SQOR: variants seen among roughly 807,000 people sequenced by gnomAD.
The protein encoded by SQOR is sulfide quinone oxidoreductase.
SQOR carries 39 observed loss-of-function variants against 48.6 expected under a neutral mutation model. The observed-to-expected ratio is 0.80, with a 90% confidence interval of 0.62 to 1.05. The LOEUF (loss-of-function observed/expected upper bound fraction) is 1.05, where lower values mean the gene tolerates loss of function less well. Among genes scored for constraint, SQOR ranks in the 50% least tolerant of loss-of-function variants. The pLI, the probability that SQOR is intolerant of heterozygous loss-of-function variation, is 0.00. For synonymous variants in SQOR, 220 were observed against 206.2 expected, an observed-to-expected ratio of 1.07 and a Z score of -0.57; for missense variants, 561 against 559.9, an observed-to-expected ratio of 1.00 and a Z score of -0.02.
chr15:45,666,547 C>T (rs1889820378), intron 3 of SQOR, among the ~76,000 whole-genome samples: 1 of 152,092 alleles, frequency 6.6e-6, no homozygotes, highest in South Asian at 2.1e-4. Context: ...ATATGAAGCA[C>T]TTAGAACAGC....
chr15:45,663,798 A>T (rs1889763580), intron 3 of SQOR, among the ~76,000 whole-genome samples: 1 of 152,136 alleles, frequency 6.6e-6, no homozygotes, highest in Non-Finnish European at 1.5e-5. Context: ...AAAAGAAAAA[A>T]AGAGTACCTG....
At chr15:45,668,653 G>A (rs562405820) in intron 3 of SQOR, among the ~76,000 whole-genome samples, 1 of 152,324 alleles carries the variant, frequency 6.6e-6, no homozygotes, top group South Asian at 2.1e-4. Flanking sequence ...CTCAGCCAGA[G>A]CCAAGCACTC....
At chr15:45,644,471 G>C (rs1895166765) in intron 1 of SQOR, among the ~76,000 whole-genome samples, 1 of 152,182 alleles carries the variant, frequency 6.6e-6, no homozygotes, top group East Asian at 1.9e-4. Context: ...GCTTCCATCT[G>C]ACTGAATAGT....
chr15:45,657,982 G>A (rs1889643762), intron 1 of SQOR, among the ~76,000 whole-genome samples: 1 of 152,088 alleles, frequency 6.6e-6, no homozygotes, highest in Non-Finnish European at 1.5e-5. Flanking sequence ...TGGATGTCAG[G>A]CCAGCTTTGT....
intron 6 of SQOR, among the ~76,000 whole-genome samples, chr15:45,677,241 GTCTA>G (rs907995561): frequency 1.1e-4 from 17 of 149,912 alleles, no homozygotes; most frequent in South Asian, 6.3e-4. Context: ...ATCTGCCTTT[GTCTA>G]TCTATCTATC....
At chr15:45,690,621 G>T (rs1054473078) in intron 9 of SQOR, among the ~76,000 whole-genome samples, 1 of 152,144 alleles carries the variant, frequency 6.6e-6, no homozygotes, top group Non-Finnish European at 1.5e-5. Flanking sequence ...CAACAGCAAA[G>T]AATTATCTGG....
At chr15:45,636,211 A>T (rs1034078713) in intron 1 of SQOR, among the ~76,000 whole-genome samples, 1 of 152,168 alleles carries the variant, frequency 6.6e-6, no homozygotes, top group Non-Finnish European at 1.5e-5. Context: ...TCAAAACATT[A>T]AAAGAATTTA....
intron 1 of SQOR, among the ~76,000 whole-genome samples, chr15:45,644,206 G>T (rs1895158970): frequency 6.6e-6 from 1 of 152,028 alleles, no homozygotes; most frequent in African/African-American, 2.4e-5. Flanking sequence ...TCCTGCCTCA[G>T]CCTCCTGAGT....
intron 1 of SQOR, among the ~76,000 whole-genome samples, chr15:45,648,458 G>A (rs1460902604): frequency 6.6e-6 from 1 of 152,232 alleles, no homozygotes; most frequent in Non-Finnish European, 1.5e-5. Flanking sequence ...TTACAGGCGT[G>A]AGCCACCACA....
At chr15:45,670,286 G>C (rs1475114779) in intron 4 of SQOR, among the ~76,000 whole-genome samples, 1 of 152,176 alleles carries the variant, frequency 6.6e-6, no homozygotes, top group Non-Finnish European at 1.5e-5. Context: ...TTCTATGTGG[G>C]ACAGAGTTGG....
intron 1 of SQOR, among the ~76,000 whole-genome samples, chr15:45,646,660 TTTCA>T (rs755421696): frequency 2.0e-5 from 3 of 152,206 alleles, no homozygotes; most frequent in African/African-American, 4.8e-5. Context: ...TTTTTAAATT[TTTCA>T]TTCATTCACT....
At chr15:45,684,668 T>C (rs989404852) in intron 7 of SQOR, among the ~76,000 whole-genome samples, 23 of 152,212 alleles carry the variant, frequency 1.5e-4, no homozygotes, top group African/African-American at 5.1e-4. Flanking sequence ...AGGTAGTCTG[T>C]GGGGTGATAC....
intron 4 of SQOR, among the ~76,000 whole-genome samples, chr15:45,672,593 C>G (rs551304406): frequency 6.6e-6 from 1 of 152,240 alleles, no homozygotes; most frequent in South Asian, 2.1e-4. Context: ...TCTGAAGGAC[C>G]AGGCCATCTT....
chr15:45,661,290 T>G (rs7162433), intron 2 of SQOR, among the ~76,000 whole-genome samples: 12 of 67,536 alleles, frequency 1.8e-4, no homozygotes, highest in South Asian at 5.9e-4. Context: ...GACTCTGTCT[T>G]AAAAAAAAAA....
chr15:45,650,553 A>C (rs527780197), intron 1 of SQOR, among the ~76,000 whole-genome samples: 3 of 150,164 alleles, frequency 2.0e-5, no homozygotes, highest in East Asian at 1.9e-4. Context: ...CATCCACAAC[A>C]CGAAAGAGGA....
chr15:45,640,236 A>G (rs753952677), intron 1 of SQOR, among the ~76,000 whole-genome samples: 6 of 152,232 alleles, frequency 3.9e-5, no homozygotes, highest in Admixed American at 2.0e-4. Context: ...AAGCGTCCCC[A>G]TTTGAAAGCC....
intron 6 of SQOR, among the ~76,000 whole-genome samples, chr15:45,678,824 T>G (rs1890078699): frequency 6.6e-6 from 1 of 152,344 alleles, no homozygotes; most frequent in Middle Eastern, 3.4e-3. Context: ...CAGCTTTAGC[T>G]TTTTTAAATT....
chr15:45,658,880 C>G (rs201564526), intron 1 of SQOR, 27 bp from the exon 2 acceptor site: 7 of 1,447,298 alleles, frequency 4.8e-6, no homozygotes, highest in Non-Finnish European at 6.4e-6. Context: ...TACCTTGGCA[C>G]TCACAGCCCT....
At chr15:45,648,764 G>A (rs72715005) in intron 1 of SQOR, among the ~76,000 whole-genome samples, 15,151 of 152,216 alleles carry the variant, frequency 0.1, 829 homozygotes, top group Middle Eastern at 0.24. Context: ...GTAAGCTTGG[G>A]CCAGGTCTGG....
Sources: gnomAD v4.1 joint callset for allele counts (sites outside exome capture counted in the v4.1 genomes callset) on GRCh38, gnomAD v4.1.1 for gene constraint, MANE v1.5 for transcripts, NCBI Gene and HGNC (gene_info 2026-07-23, HGNC 2026-07-21) for gene names.